Variants in FHL5 observed in about 807,000 individuals in gnomAD.
FHL5 encodes four and a half LIM domains protein 5.
Under a neutral mutation model 32.0 loss-of-function variants are expected in FHL5, and 33 were observed. That is an observed-to-expected ratio of 1.03 (90% confidence interval 0.78 to 1.38). FHL5 has a LOEUF of 1.38. Ranked by LOEUF, FHL5 falls within the 40% of genes most tolerant of loss-of-function variation. The probability of loss-of-function intolerance (pLI) is 0.00; values close to 1 mark genes in which losing one functional copy is unlikely to be tolerated. For missense variants in FHL5, 336 were observed against 343.9 expected (o/e 0.98, Z 0.18); for synonymous variants, 114 against 113.6 (o/e 1.00, Z -0.02).
intron 1 of FHL5, among the ~76,000 whole-genome samples, chr6:96,574,046 T>A (rs1770537333): frequency 6.6e-6 from 1 of 152,068 alleles, no homozygotes; most frequent in African/African-American, 2.4e-5. Flanking sequence ...AAAAAAAAAA[T>A]TATATAATTG....
intron 1 of FHL5, among the ~76,000 whole-genome samples, chr6:96,570,198 C>T (rs1582456234): frequency 6.6e-6 from 1 of 151,986 alleles, no homozygotes; most frequent in African/African-American, 2.4e-5. Flanking sequence ...TTGCTTACCT[C>T]GAGAAGGCTT....
At chr6:96,576,312 C>T (rs1770583194) in intron 1 of FHL5, among the ~76,000 whole-genome samples, 1 of 152,172 alleles carries the variant, frequency 6.6e-6, no homozygotes, top group African/African-American at 2.4e-5. Context: ...AAACTAGACA[C>T]CAGGAGTCTG....
At chr6:96,570,413 G>A (rs1312584148) in intron 1 of FHL5, among the ~76,000 whole-genome samples, 1 of 151,988 alleles carries the variant, frequency 6.6e-6, no homozygotes, top group Non-Finnish European at 1.5e-5. Context: ...CTCTGTCTTT[G>A]ACTTGTGACA....
chr6:96,607,426 C>T (rs1310910765), intron 4 of FHL5, among the ~76,000 whole-genome samples: 9 of 151,900 alleles, frequency 5.9e-5, no homozygotes, highest in African/African-American at 1.5e-4. Context: ...CACACACACA[C>T]GCAGTTAACT....
intron 5 of FHL5, among the ~76,000 whole-genome samples, chr6:96,614,180 T>C (rs1771469070): frequency 6.6e-6 from 1 of 152,202 alleles, no homozygotes; most frequent in African/African-American, 2.4e-5. Context: ...ATTTGCCACT[T>C]GTACAAGGCT....
chr6:96,613,807 G>A (rs1267289809), intron 5 of FHL5, among the ~76,000 whole-genome samples: 3 of 152,194 alleles, frequency 2.0e-5, no homozygotes, highest in Non-Finnish European at 2.9e-5. Context: ...TCACTTCTCA[G>A]TTTTTGTCTG....
intron 1 of FHL5, among the ~76,000 whole-genome samples, chr6:96,563,643 G>A (rs1172084623): frequency 2.0e-5 from 3 of 152,046 alleles, no homozygotes; most frequent in Admixed American, 2.0e-4. Context: ...TTTTCTAATG[G>A]TCTTAATGTG....
chr6:96,573,885 T>C (rs1475166136), intron 1 of FHL5, among the ~76,000 whole-genome samples: 1 of 152,140 alleles, frequency 6.6e-6, no homozygotes, highest in Non-Finnish European at 1.5e-5. Context: ...CCCATTTTTT[T>C]CAATATTTTT....
chr6:96,573,527 ATTTTTTT>A (rs553599471), intron 1 of FHL5, among the ~76,000 whole-genome samples: 27 of 112,410 alleles, frequency 2.4e-4, no homozygotes, highest in African/African-American at 8.7e-4. Context: ...AAATATTCTA[ATTTTTTT>A]TTTTTTTTTT....
At chr6:96,569,870 T>C (rs1186379803) in intron 1 of FHL5, among the ~76,000 whole-genome samples, 8 of 151,472 alleles carry the variant, frequency 5.3e-5, no homozygotes, top group African/African-American at 1.9e-4. Flanking sequence ...ATCTTTTCAG[T>C]TGGGAATTTA....
chr6:96,572,524 G>A (rs1455571421), intron 1 of FHL5, among the ~76,000 whole-genome samples: 2 of 152,064 alleles, frequency 1.3e-5, no homozygotes, highest in African/African-American at 4.8e-5. Flanking sequence ...AGGGATGAAG[G>A]GGAGCCATGA....
At chr6:96,564,863 C>CT (rs1360738937) in intron 1 of FHL5, among the ~76,000 whole-genome samples, 3 of 151,968 alleles carry the variant, frequency 2.0e-5, no homozygotes, top group African/African-American at 7.3e-5. Context: ...TTTTGGTACC[C>CT]TGAAAGCTCA....
At position 96,617,075 on chromosome 6, in the gene FHL5, T is replaced by C. The variant is rs970339483; in HGVS notation, c.*1303T>C. Among the ~76,000 whole-genome samples the C allele has an allele frequency of 5.9e-5, 9 of 152,160 alleles. No homozygotes were observed. The highest frequency in any genetic ancestry group is 1.3e-4 in the Admixed American group (2 of 15,272). ...GGAAGTAAAGAGCCTTAGTGAGAAG[T>C]CCATCACCAGGTTTATCTTTATACC... is the stretch of plus-strand genomic sequence containing the variant. On this transcript the variant is annotated 3_prime_UTR_variant, in exon 6 of 6. Transcript: ENST00000450218.
chr6:96,606,016 A>G lies in FHL5; in HGVS notation c.449A>G (p.Tyr150Cys), dbSNP rs781249992. 5.6e-6 allele frequency: 9 copies of G among 1,614,136 alleles called. 1 individual carries two copies. The East Asian group carries it at 1.1e-4, about 20-fold the overall frequency. The change falls in exon 4 of 6, where the codon TAT (tyrosine) becomes TGT (cysteine). Residue 150 changes from tyrosine (Y) to cysteine (C), a missense_variant. By Grantham distance (194) the Tyr-to-Cys change is radical. Transcript: ENST00000450218. ...KPLISKESGN[Y>C]CVPCFEKEFA... ...TTGATCTCCAAAGAGAGTGGCAATT[A>G]TTGTGTGCCATGTTTTGAGAAGGAG...
chr6:96,584,456 TGTGTTTGTG>T (rs1562055763), intron 1 of FHL5, among the ~76,000 whole-genome samples: 13 of 148,258 alleles, frequency 8.8e-5, no homozygotes, highest in South Asian at 6.5e-4. Context: ...TGTGTGTGTG[TGTGTTTGTG>T]TGTGTGTGTG....
chr6:96,590,016 T>G (rs1165431889), intron 1 of FHL5, among the ~76,000 whole-genome samples: 1 of 152,044 alleles, frequency 6.6e-6, no homozygotes. Context: ...TCTGTTCTGG[T>G]GATCTAAGTA....
intron 1 of FHL5, among the ~76,000 whole-genome samples, chr6:96,587,629 CAAAGA>C (rs1243992731): frequency 1.3e-5 from 2 of 152,038 alleles, no homozygotes; most frequent in Admixed American, 6.5e-5. Flanking sequence ...ATTGGCTTAA[CAAAGA>C]AAACATCCCC....
intron 1 of FHL5, among the ~76,000 whole-genome samples, chr6:96,577,535 A>G (rs1770608720): frequency 6.6e-6 from 1 of 152,132 alleles, no homozygotes; most frequent in Non-Finnish European, 1.5e-5. Flanking sequence ...AAAGCCAAAT[A>G]TGATTTTGGG....
intron 1 of FHL5, among the ~76,000 whole-genome samples, chr6:96,579,087 A>G (rs1360264668): frequency 1.3e-5 from 2 of 152,154 alleles, no homozygotes; most frequent in Non-Finnish European, 2.9e-5. Flanking sequence ...CGGGAGACTC[A>G]AGTGGAATAA....
Sources: gnomAD v4.1 joint callset for allele counts (sites outside exome capture counted in the v4.1 genomes callset) on GRCh38, gnomAD v4.1.1 for gene constraint, MANE v1.5 for transcripts, NCBI Gene and HGNC (gene_info 2026-07-23, HGNC 2026-07-21) for gene names.